PKP3: variants seen among roughly 807,000 people sequenced by gnomAD.
The protein encoded by PKP3 is plakophilin-3.
In PKP3, 66 loss-of-function variants were observed where a neutral mutation model predicts 76.5. The observed-to-expected ratio is 0.86, with a 90% CI of 0.71 to 1.06. The LOEUF (loss-of-function observed/expected upper bound fraction) is 1.06, where lower values mean the gene tolerates loss of function less well. PKP3 is among the 50% of genes least tolerant of loss of function. The pLI is 0.00. For missense variants in PKP3, 1,338 were observed against 1,141.0 expected (o/e 1.17, Z -2.49); for synonymous variants, 638 against 516.5 (o/e 1.24, Z -3.19).
At position 396,905 on chromosome 11, in the gene PKP3, C is replaced by T; in HGVS notation, c.404C>T (p.Ser135Leu). 1 of 1,597,190 alleles carries T rather than the reference C, an allele frequency of 6.3e-7. No homozygotes were observed. The highest frequency in any genetic ancestry group is 8.5e-7 in the Non-Finnish European group (1 of 1,174,874). The change falls in exon 3 of 13, where the codon TCA becomes TTA. Residue 135 changes from serine (S) to leucine (L), a missense_variant. Coordinates refer to ENST00000331563, the MANE Select transcript of PKP3 (RefSeq NM_007183.4). ...CTGAGCTGCAGTCGGAGGCTGAGTT[C>T]AGCCCACAACGGGGGCAGCGCCTTT... The part of the protein sequence containing the change: ...VDLSCSRRLS[S>L]AHNGGSAFGA...
chr11:400,329 C>T lies in PKP3; in HGVS notation c.1449-5C>T, dbSNP rs772928196. 6.5e-7 allele frequency: 1 copy of T among 1,546,644 alleles called. No individual in the cohort carries two copies. The highest frequency in any genetic ancestry group is 1.2e-5 in the South Asian group (1 of 83,790). On this transcript the variant is annotated splice_polypyrimidine_tract_variant and splice_region_variant and intron_variant, in intron 6 of 12. Coordinates refer to ENST00000331563, the MANE Select transcript of PKP3 (RefSeq NM_007183.4). ...TGGGGGGCTCTGATCCACCTCGGTC[C>T]CCAGGAACCTCAGCTCAGCCTCTCA...
chr11:392,615 CGCCGGGCCAG>C, upstream of PKP3: 5 of 1,280,474 alleles, frequency 3.9e-6, no homozygotes, highest in Non-Finnish European at 5.1e-6. Flanking sequence ...GCCCCGCACG[CGCCGGGCCAG>C]GGATGGAGTC....
At chr11:395,759 C>A (rs1025803612) in intron 1 of PKP3, among the ~76,000 whole-genome samples, 1 of 152,206 alleles carries the variant, frequency 6.6e-6, no homozygotes, top group African/African-American at 2.4e-5. Context: ...CCTTTCCCTG[C>A]ACCCCACCCT....
At position 400,639 on chromosome 11, in the gene PKP3, C is replaced by G; in HGVS notation, c.1671C>G (p.Asp557Glu). ...GGCTGGAGGGTCGCGGCCGCAGGGA[C>G]CTGGCGGGGGCGCCGCCGGGAGAGG... Reference protein sequence around the residue: ...LQRLEGRGRRDLAGAPPGEVV... With the variant: ...LQRLEGRGRRELAGAPPGEVV... The change falls in exon 8 of 13, where the codon GAC becomes GAG. Residue 557 changes from aspartate to glutamate, a missense_variant. By Grantham distance (45) the Asp-to-Glu change is conservative. Coordinates refer to ENST00000331563, the MANE Select transcript of PKP3 (RefSeq NM_007183.4). 1.4e-6 allele frequency: 2 copies of G among 1,383,240 alleles called. No homozygotes were observed. Among genetic ancestry groups the G allele is most frequent in the Non-Finnish European group, 1.9e-6 (2 of 1,076,804 alleles). 85.7% of individuals were successfully genotyped at this position (1,383,240 alleles called of 1,614,324 possible). A position where few individuals can be genotyped will look rare whatever the true frequency, so the allele number is the denominator to read the frequency against.
rs775200874 is a variant in PKP3, at chr11:400,649, G to A, written c.1681G>A (p.Ala561Thr). 3 of 1,367,214 alleles carry A rather than the reference G, an allele frequency of 2.2e-6. No individual in the cohort carries two copies. The highest frequency in any genetic ancestry group is 1.6e-5 in the South Asian group (1 of 61,280). The allele number at this position is 1,367,214 out of a possible 1,614,324, so 84.7% of individuals were successfully genotyped here. The change falls in exon 8 of 13, where the codon GCG becomes ACG. Residue 561 changes from alanine (A) to threonine (T), a missense_variant. By Grantham distance (58) the Ala-to-Thr change is moderately conservative (BLOSUM62 0). Coordinates refer to ENST00000331563, the MANE Select transcript of PKP3 (RefSeq NM_007183.4). ...TCGCGGCCGCAGGGACCTGGCGGGG[G>A]CGCCGCCGGGAGAGGTCGTGGGCTG... The part of the protein sequence containing the change: ...EGRGRRDLAG[A>T]PPGEVVGCFT...
chr11:403,272 C>A lies in PKP3; in HGVS notation c.1923+9C>A. On this transcript the variant is annotated intron_variant, in intron 9 of 12. Coordinates refer to ENST00000331563, the MANE Select transcript of PKP3 (RefSeq NM_007183.4). ...CGGCAGGCGACCGCAGGGTGGGGCA[C>A]CCAACCCAGACCCGAGGGGGTCCCA... 3 of 1,565,248 alleles carry A rather than the reference C, an allele frequency of 1.9e-6. No individual in the cohort carries two copies. In the East Asian group the frequency reaches 7.0e-5, roughly 36 times the overall value.
Position 400,079 on chromosome 11 carries a change from C to T in PKP3, c.1386C>T (p.Pro462=), listed in dbSNP as rs775821967. 6 of 1,598,392 alleles carry T rather than the reference C, an allele frequency of 3.8e-6. No individual in the cohort carries two copies. Among genetic ancestry groups the T allele is most frequent in the South Asian group, 1.1e-5 (1 of 89,154 alleles). Residue 462 remains proline, a synonymous_variant, in exon 6 of 13, where the codon CCC becomes CCT. Transcript: ENST00000331563. ...VLSPLSGAGG[P]PLIQQNASEA... ...GCCCCCTGTCGGGGGCTGGGGGTCC[C>T]CCCCTCATCCAGCAGAACGCCTCGG...
In PKP3 at chr11:400,360, C is replaced by T; in HGVS notation, c.1475C>T (p.Thr492Ile). The T allele has an allele frequency of 6.5e-7, 1 of 1,549,786 alleles. No individual in the cohort carries two copies. The highest frequency in any genetic ancestry group is 8.7e-7 in the Non-Finnish European group (1 of 1,146,610). ...AACCTCAGCTCAGCCTCTCAGGCCA[C>T]TCGCCAGAAGATGCGGGAGTGCCAC... ...LRNLSSASQA[T>I]RQKMRECHGL... is the part of the protein sequence containing the mutation. The change falls in exon 7 of 13, where the codon ACT (threonine) becomes ATT (isoleucine). Residue 492 changes from threonine to isoleucine, a missense_variant. Physicochemically the swap from Thr to Ile is moderately conservative, Grantham distance 89. Coordinates refer to ENST00000331563, the MANE Select transcript of PKP3 (RefSeq NM_007183.4).
In PKP3 at chr11:397,292, G is replaced by C. The variant is rs776602532; in HGVS notation, c.791G>C (p.Gly264Ala). ...AGCAGCCACCGGAGCCGCGGGGTAG[G>C]CGGGGCAGTGCCGGGGGCCGTCCTG... ...FQSSHRSRGV[G>A]GAVPGAVLEP... is the part of the protein sequence containing the mutation. The change falls in exon 3 of 13, where the codon GGC becomes GCC. Residue 264 changes from glycine (G) to alanine (A), a missense_variant. Gly to Ala is a moderately conservative substitution (Grantham distance 60). Coordinates refer to ENST00000331563, the MANE Select transcript of PKP3 (RefSeq NM_007183.4). 1 of 1,593,174 alleles carries C rather than the reference G, an allele frequency of 6.3e-7. No homozygotes were observed.
Position 394,456 on chromosome 11 carries a change from T to C in PKP3, c.164T>C (p.Leu55Ser). The C allele has an allele frequency of 6.9e-7, 1 of 1,449,128 alleles. No homozygotes were observed. Among genetic ancestry groups the C allele is most frequent in the Non-Finnish European group, 9.0e-7 (1 of 1,107,984 alleles). 89.8% of individuals were successfully genotyped at this position (1,449,128 alleles called of 1,614,324 possible). The change falls in exon 1 of 13, where the codon TTG (leucine) becomes TCG (serine). Residue 55 changes from leucine (L) to serine (S), a missense_variant. Physicochemically the swap from Leu to Ser is moderately radical, Grantham distance 145 (BLOSUM62 -2). Coordinates refer to ENST00000331563, the MANE Select transcript of PKP3 (RefSeq NM_007183.4). Reference protein sequence around the residue: ...RVQEQVRARLLQLGQQPRHNG... With the variant: ...RVQEQVRARLSQLGQQPRHNG... ...CAGGAGCAGGTCCGCGCCCGCCTCT[T>C]GCAGCTGGGACAGCAGCCGCGGCAC...
rs1244340113 is a variant in PKP3 at position 397,394 on chromosome 11, A to T, written c.893A>T (p.His298Leu). ...LADSGHLPDV[H>L]GFNSYGSHRT... Reference sequence around the variant, plus strand: ...GACTCGGGCCACCTGCCGGACGTGCATGGGTTCAACAGCTACGGTAGCCAC... The same window carrying T: ...GACTCGGGCCACCTGCCGGACGTGCTTGGGTTCAACAGCTACGGTAGCCAC... The change falls in exon 3 of 13, where the codon CAT becomes CTT. Residue 298 changes from histidine to leucine, a missense_variant. Physicochemically the swap from His to Leu is moderately conservative, Grantham distance 99. Transcript: ENST00000331563. The T allele has an allele frequency of 6.2e-7, 1 of 1,611,504 alleles. No homozygotes were observed. The highest frequency in any genetic ancestry group is 8.5e-7 in the Non-Finnish European group (1 of 1,179,510).
chr11:404,259 G>A lies in PKP3; in HGVS notation c.2294G>A (p.Arg765Gln), dbSNP rs751388615. Residue 765 changes from arginine (R) to glutamine (Q), a missense_variant, in exon 12 of 13, where the codon CGG becomes CAG. Arg to Gln is a conservative substitution (Grantham distance 43). Coordinates refer to ENST00000331563, the MANE Select transcript of PKP3 (RefSeq NM_007183.4). This position sits in a 1 kb window ranked among gnomAD's most constrained non-coding sequence, Gnocchi z 4.2. ...AGCCCCGACAGTGAGAAGTCCTCCC[G>A]GGCAGCATCCAGCCTCCTGGCCAAC... Reference protein sequence around the residue: ...RDSPDSEKSSRAASSLLANLW... With the variant: ...RDSPDSEKSSQAASSLLANLW... 46 of 1,612,508 alleles carry A rather than the reference G, an allele frequency of 2.9e-5. No individual in the cohort carries two copies. The highest frequency in any genetic ancestry group is 3.4e-5 in the Non-Finnish European group (40 of 1,179,882).
intron 8 of PKP3, 86 bp downstream of exon 8, chr11:400,791 AC>A (rs1365336359): frequency 5.4e-4 from 296 of 546,710 alleles, no homozygotes; most frequent in Non-Finnish European, 6.1e-4. Context: ...CGCCCCGCTC[AC>A]CCCCGCCCCG....
At chr11:396,387 G>A (rs1030790821) in intron 1 of PKP3, 22 of 496,138 alleles carry the variant, frequency 4.4e-5, no homozygotes, top group Non-Finnish European at 7.8e-5. Flanking sequence ...AGGCACAGCT[G>A]GGGGGTGGGC....
rs377145727 is a variant in PKP3 at position 404,607 on chromosome 11, G to A, written c.*38G>A. The A allele has an allele frequency of 5.4e-5, 87 of 1,602,346 alleles. No homozygotes were observed. Among genetic ancestry groups the A allele is most frequent in the Middle Eastern group, 3.4e-4 (2 of 5,886 alleles). ...GGAGGAGAAGGTGACGTGGCCCAGC[G>A]TCCAAGGGACAGACTCAGCTCCAGG... On this transcript the variant is annotated 3_prime_UTR_variant, in exon 13 of 13. Transcript: ENST00000331563. This position sits in a 1 kb window ranked among gnomAD's most constrained non-coding sequence, Gnocchi z 4.2.
Position 394,331 on chromosome 11 carries a change from T to C in PKP3, c.39T>C (p.Pro13=). 1 of 1,514,616 alleles carries C rather than the reference T, an allele frequency of 6.6e-7. No homozygotes were observed. The highest frequency in any genetic ancestry group is 8.8e-7 in the Non-Finnish European group (1 of 1,138,180). 93.8% of individuals were successfully genotyped at this position (1,514,616 alleles called of 1,614,324 possible). The change falls in exon 1 of 13, where the codon CCT becomes CCC. Residue 13 remains proline, a synonymous_variant. Transcript: ENST00000331563. ...ACTTCCTGCTGTCGGCCCTGCAGCCTGAGGCCGGCGTGTGCTCCCTGGCGC... is the reference window on the plus strand; with the variant it reads ...ACTTCCTGCTGTCGGCCCTGCAGCCCGAGGCCGGCGTGTGCTCCCTGGCGC... ...DGNFLLSALQ[P]EAGVCSLALP...
At chr11:396,406 A>G (rs7116003) in intron 1 of PKP3, 389,951 of 509,126 alleles carry the variant, frequency 0.77, 152,634 homozygotes, top group East Asian at 1. Flanking sequence ...GCTGTGGAAG[A>G]TGGACCACCA....
In PKP3 at chr11:399,079, C is replaced by G. The variant is rs773167699; in HGVS notation, c.1156C>G (p.Arg386Gly). Residue 386 changes from arginine (R) to glycine (G), a missense_variant, in exon 5 of 13, where the codon CGC becomes GGC. Transcript: ENST00000331563. Reference sequence around the variant, plus strand: ...GCAGCGCCATGCCACAGGTGCCATGCGCAACCTCATCTACGACAACGCTGA... The same window carrying G: ...GCAGCGCCATGCCACAGGTGCCATGGGCAACCTCATCTACGACAACGCTGA... ...EVQRHATGAM[R>G]NLIYDNADNK... is the part of the protein sequence containing the mutation. The G allele has an allele frequency of 3.1e-6, 5 of 1,611,494 alleles. No homozygotes were observed. The highest frequency in any genetic ancestry group is 1.1e-5 in the South Asian group (1 of 91,050).
In PKP3 at chr11:404,379, G is replaced by A. The variant is rs749000396; in HGVS notation, c.2358+56G>A. The A allele has an allele frequency of 7.9e-6, 12 of 1,526,440 alleles. No homozygotes were observed. Among genetic ancestry groups the A allele is most frequent in the African/African-American group, 5.5e-5 (4 of 73,254 alleles). 94.6% of individuals were successfully genotyped at this position (1,526,440 alleles called of 1,614,324 possible). On this transcript the variant is annotated intron_variant, in intron 12 of 12. Coordinates refer to ENST00000331563, the MANE Select transcript of PKP3 (RefSeq NM_007183.4). This position sits in a 1 kb window ranked among gnomAD's most constrained non-coding sequence, Gnocchi z 4.2. ...ACCCGGGTGCAGGGCATGGGACGCC[G>A]GGGGAGGGTCAGTGAAGAGGCCCAT...
Sources: allele counts gnomAD v4.1 joint callset (sites outside exome capture counted in the v4.1 genomes callset), GRCh38; gene constraint gnomAD v4.1.1; non-coding constraint Gnocchi (gnomAD v3.1); transcripts MANE v1.5; gene names NCBI Gene and HGNC (gene_info 2026-07-23, HGNC 2026-07-21).